TENM4: variants seen among roughly 807,000 people sequenced by gnomAD.
TENM4 encodes teneurin-4.
A neutral mutation model predicts 243.3 loss-of-function variants in TENM4; 82 were observed. The ratio of observed to expected loss-of-function variants is 0.34; its 90% CI spans 0.28 to 0.40. The LOEUF is 0.40. Ranked by LOEUF, TENM4 falls within the 10% of genes least tolerant of loss-of-function variation. TENM4 has a pLI of 1.00. For missense variants in TENM4, 3,138 were observed against 3,673.3 expected (o/e 0.85, Z 3.77); for synonymous variants, 1,412 against 1,456.3 (o/e 0.97, Z 0.69).
intron 27 of TENM4, among the ~76,000 whole-genome samples, chr11:78,707,941 A>C (rs1238110620): frequency 1.3e-5 from 2 of 152,188 alleles, no homozygotes; most frequent in Non-Finnish European, 2.9e-5. Flanking sequence ...ACTGTGCCCA[A>C]ATTTGGGTAG....
chr11:78,829,500 G>A (rs1022229738), intron 12 of TENM4, among the ~76,000 whole-genome samples: 2 of 152,112 alleles, frequency 1.3e-5, no homozygotes, highest in Admixed American at 1.3e-4. Context: ...ATTAATAGTA[G>A]GTAAAATGAA....
chr11:79,221,342 T>C (rs1250713846), intron 2 of TENM4, among the ~76,000 whole-genome samples: 1 of 66,310 alleles, frequency 1.5e-5, no homozygotes, highest in Non-Finnish European at 5.0e-5. Context: ...CCATTTAGAA[T>C]ATGGATTTTT....
rs943645972 is a variant in TENM4, at chr11:78,903,317, G to A, written c.700C>T (p.His234Tyr). The change falls in exon 7 of 34, where the codon CAC becomes TAC. Residue 234 changes from histidine to tyrosine, a missense_variant. Coordinates refer to ENST00000278550, the MANE Select transcript of TENM4 (RefSeq NM_001098816.3). ...TTGAGCAGCCAGTTCTCCTGGGCGT[G>A]GGCAGGCTCCTGGGCGCCGCCGGCA... ...PPAGGAQEPA[H>Y]AQENWLLNSN... 6 of 1,484,220 alleles carry A rather than the reference G, an allele frequency of 4.0e-6. No individual in the cohort carries two copies. The highest frequency in any genetic ancestry group is 1.5e-5 in the African/African-American group (1 of 68,064). The allele number at this position is 1,484,220 out of a possible 1,614,324, so 91.9% of individuals were successfully genotyped here.
rs924877148 is a variant in TENM4, at chr11:79,262,111, C to T, written c.-265+35377G>A. On this transcript the variant is annotated intron_variant, in intron 2 of 33. Coordinates refer to ENST00000278550, the MANE Select transcript of TENM4 (RefSeq NM_001098816.3). ...TTCAATGGTGTGTGAGTACCCATCA[C>T]GTGCCAGGCGCCACCTGCATCTTCT... is the stretch of plus-strand genomic sequence containing the variant. 2.4e-4 allele frequency among the ~76,000 whole-genome samples: 37 copies of T among 152,268 alleles called. 2 individuals are homozygous for T. The highest frequency in any genetic ancestry group is 1.0e-3 in the Admixed American group (16 of 15,306).
intron 6 of TENM4, among the ~76,000 whole-genome samples, chr11:78,990,063 T>TAA (rs780530657): frequency 3.6e-5 from 5 of 138,992 alleles, no homozygotes; most frequent in Admixed American, 7.2e-5. Flanking sequence ...AGGCTTTGTT[T>TAA]AAAAAAAAAA....
At chr11:79,143,939 A>G (rs72935323) in intron 4 of TENM4, among the ~76,000 whole-genome samples, 8,368 of 151,992 alleles carry the variant, frequency 0.055, 331 homozygotes, top group Non-Finnish European at 0.078. Context: ...AAGGAAAAAT[A>G]GATAAATTGG....
intron 1 of TENM4, among the ~76,000 whole-genome samples, chr11:79,370,350 C>T (rs989953700): frequency 7.9e-5 from 12 of 152,228 alleles, no homozygotes; most frequent in African/African-American, 2.9e-4. Flanking sequence ...CACAGCTTAT[C>T]AGACTGGAGT....
At chr11:79,264,162 C>T (rs1009002136) in intron 2 of TENM4, among the ~76,000 whole-genome samples, 2 of 152,140 alleles carry the variant, frequency 1.3e-5, no homozygotes, top group African/African-American at 4.8e-5. Flanking sequence ...GTGAAGAAAC[C>T]AGGCTATCCT....
intron 4 of TENM4, among the ~76,000 whole-genome samples, chr11:79,118,186 G>T (rs1159408237): frequency 1.3e-5 from 2 of 152,120 alleles, no homozygotes; most frequent in Admixed American, 6.5e-5. Context: ...GCAGTAAGTG[G>T]CAGTCAGACA....
chr11:78,777,033 C>T (rs1856752840), intron 17 of TENM4, among the ~76,000 whole-genome samples: 1 of 151,578 alleles, frequency 6.6e-6, no homozygotes, highest in Non-Finnish European at 1.5e-5. Flanking sequence ...GAATGGGTAT[C>T]ATTATATCTA....
At chr11:79,384,648 G>A (rs1343120363) in intron 1 of TENM4, among the ~76,000 whole-genome samples, 1 of 152,140 alleles carries the variant, frequency 6.6e-6, no homozygotes, top group African/African-American at 2.4e-5. Flanking sequence ...AAAACTCGGA[G>A]CACGCAGTGG....
chr11:79,047,660 C>T (rs963376928), intron 6 of TENM4, among the ~76,000 whole-genome samples: 8 of 152,158 alleles, frequency 5.3e-5, no homozygotes, highest in Non-Finnish European at 5.9e-5. Context: ...TCCTTCAGTG[C>T]CCATGTGTCA....
intron 12 of TENM4, among the ~76,000 whole-genome samples, chr11:78,847,487 C>A (rs1228642967): frequency 6.6e-6 from 1 of 152,226 alleles, no homozygotes; most frequent in Non-Finnish European, 1.5e-5. Flanking sequence ...TCCTAGCTCT[C>A]TTCCCCTCAG....
chr11:78,976,939 C>T (rs947701051), intron 6 of TENM4, among the ~76,000 whole-genome samples: 1 of 152,184 alleles, frequency 6.6e-6, no homozygotes, highest in Non-Finnish European at 1.5e-5. Context: ...AACATAGCTC[C>T]GTAACAGGAA....
At chr11:79,253,221 T>C (rs1855642287) in intron 2 of TENM4, among the ~76,000 whole-genome samples, 1 of 152,128 alleles carries the variant, frequency 6.6e-6, no homozygotes, top group African/African-American at 2.4e-5. Context: ...GCCCATCCAC[T>C]GGGGCCAAAA....
chr11:79,148,900 G>T (rs942560910), intron 3 of TENM4, 94 bp from the exon 4 acceptor site: 2 of 240,986 alleles, frequency 8.3e-6, no homozygotes, highest in Non-Finnish European at 1.3e-5. Flanking sequence ...GGGAGGTGGG[G>T]GTGAGACGTG....
At chr11:78,947,780 T>C (rs1857031447) in intron 6 of TENM4, among the ~76,000 whole-genome samples, 1 of 152,200 alleles carries the variant, frequency 6.6e-6, no homozygotes, top group Non-Finnish European at 1.5e-5. Context: ...TGGAGCTCCC[T>C]ACACTTCTGC....
At chr11:78,962,682 A>G (rs1181482377) in intron 6 of TENM4, among the ~76,000 whole-genome samples, 1 of 152,236 alleles carries the variant, frequency 6.6e-6, no homozygotes, top group Non-Finnish European at 1.5e-5. Flanking sequence ...TAGGTGATCT[A>G]TCAAACAGCT....
At chr11:79,402,889 C>T (rs1320843833) in intron 1 of TENM4, among the ~76,000 whole-genome samples, 1 of 152,204 alleles carries the variant, frequency 6.6e-6, no homozygotes, top group African/African-American at 2.4e-5. Context: ...AGTAGGTACT[C>T]AATAAATTCT....
Sources: gnomAD v4.1 joint callset for allele counts (sites outside exome capture counted in the v4.1 genomes callset) on GRCh38, gnomAD v4.1.1 for gene constraint, MANE v1.5 for transcripts, NCBI Gene and HGNC (gene_info 2026-07-23, HGNC 2026-07-21) for gene names.